SNX29: variants seen among roughly 807,000 people sequenced by gnomAD.
The protein encoded by SNX29 is sorting nexin-29.
SNX29 carries 78 observed loss-of-function variants against 102.1 expected under a neutral mutation model. The ratio of observed to expected loss-of-function variants is 0.76; its 90% CI spans 0.64 to 0.92. The LOEUF (loss-of-function observed/expected upper bound fraction) is 0.92, where lower values mean the gene tolerates loss of function less well. Among genes scored for constraint, SNX29 ranks in the 40% least tolerant of loss-of-function variants. SNX29 has a pLI of 0.00. For missense variants in SNX29, 1,280 were observed against 1,061.7 expected, an observed-to-expected ratio of 1.21 and a Z score of -2.86; for synonymous variants, 580 against 414.5, an observed-to-expected ratio of 1.40 and a Z score of -4.85.
chr16:12,221,675 C>T (rs561822098), intron 14 of SNX29, among the ~76,000 whole-genome samples: 1 of 152,276 alleles, frequency 6.6e-6, no homozygotes, highest in South Asian at 2.1e-4. Flanking sequence ...TGACCAGCAA[C>T]TTGGGTTTAA....
rs1429222486 is a variant in SNX29, at chr16:12,573,308, C to T, written c.*4679C>T. The T allele has an allele frequency of 3.5e-5, 8 of 226,398 alleles. No individual in the cohort carries two copies. The highest frequency in any genetic ancestry group is 2.5e-4 in the East Asian group (4 of 15,734). The allele number at this position is 226,398 out of a possible 1,614,324, so 14.0% of individuals were successfully genotyped here. On this transcript the variant is annotated 3_prime_UTR_variant, in exon 21 of 21. Coordinates refer to ENST00000566228, the MANE Select transcript of SNX29 (RefSeq NM_032167.5). ...ATGAGCCATTGCCATCTTATGGGCC[C>T]GATTTGGGTACTCTGAATTATGTCA...
At chr16:12,070,475 G>T (rs191316832) in intron 10 of SNX29, among the ~76,000 whole-genome samples, 80 of 151,574 alleles carry the variant, frequency 5.3e-4, no homozygotes, top group African/African-American at 1.8e-3. Flanking sequence ...ATGATTTCCA[G>T]TTTCATCCAT....
At chr16:12,275,648 T>C (rs1478853486) in intron 14 of SNX29, among the ~76,000 whole-genome samples, 1 of 151,964 alleles carries the variant, frequency 6.6e-6, no homozygotes, top group Admixed American at 6.6e-5. Flanking sequence ...ATCTACCTGA[T>C]TCTTAGCTTC....
intron 13 of SNX29, among the ~76,000 whole-genome samples, chr16:12,176,333 A>C (rs2076259687): frequency 6.6e-6 from 1 of 152,198 alleles, no homozygotes; most frequent in South Asian, 2.1e-4. Context: ...TAGCAGCTTG[A>C]GTCTTTAGAC....
intron 18 of SNX29, among the ~76,000 whole-genome samples, chr16:12,461,364 G>T (rs750847458): frequency 6.6e-6 from 1 of 152,180 alleles, no homozygotes; most frequent in Non-Finnish European, 1.5e-5. Context: ...TGGTTTTGCT[G>T]CTTCTATTAC....
intron 4 of SNX29, among the ~76,000 whole-genome samples, chr16:12,041,133 A>G (rs2049864664): frequency 6.6e-6 from 1 of 150,744 alleles, no homozygotes; most frequent in African/African-American, 2.4e-5. Context: ...TTTTTTTGAG[A>G]TAGAGTTTTG....
At chr16:12,519,711 A>G (rs1021872906) in intron 19 of SNX29, among the ~76,000 whole-genome samples, 1 of 152,202 alleles carries the variant, frequency 6.6e-6, no homozygotes, top group South Asian at 2.1e-4. Flanking sequence ...TTTTTCAGCA[A>G]TCCGTGATGT....
intron 20 of SNX29, 91 bp downstream of exon 20, chr16:12,524,932 C>A (rs963947282): frequency 3.9e-6 from 6 of 1,526,988 alleles, no homozygotes; most frequent in East Asian, 2.3e-5. Context: ...AGCGGCTCTC[C>A]GTGATGCCCT....
intron 4 of SNX29, among the ~76,000 whole-genome samples, chr16:12,036,011 C>T (rs1033056869): frequency 6.6e-6 from 1 of 152,204 alleles, no homozygotes; most frequent in Admixed American, 6.5e-5. Flanking sequence ...GTATCTATCA[C>T]TGGCCTATTT....
intron 16 of SNX29, among the ~76,000 whole-genome samples, chr16:12,377,184 T>C (rs546264877): frequency 2.6e-5 from 4 of 152,306 alleles, no homozygotes. Flanking sequence ...TGAGCCTCAG[T>C]TTTCACAGCT....
intron 20 of SNX29, among the ~76,000 whole-genome samples, chr16:12,550,150 C>T (rs569545366): frequency 6.6e-5 from 10 of 152,258 alleles, no homozygotes; most frequent in Middle Eastern, 3.4e-3. Flanking sequence ...CCTTCCATAC[C>T]GCATGTAGTG....
At chr16:12,397,028 G>T (rs2083748096) in intron 16 of SNX29, among the ~76,000 whole-genome samples, 1 of 152,188 alleles carries the variant, frequency 6.6e-6, no homozygotes. Flanking sequence ...TGGAACTACA[G>T]GCTTCTGCCG....
At chr16:12,292,448 T>C (rs2079830859) in intron 15 of SNX29, among the ~76,000 whole-genome samples, 2 of 152,232 alleles carry the variant, frequency 1.3e-5, no homozygotes, top group African/African-American at 4.8e-5. Flanking sequence ...GAGCTGCACC[T>C]TCCTCCCGTG....
chr16:12,189,442 T>G (rs1282425799), intron 13 of SNX29, among the ~76,000 whole-genome samples: 3 of 152,212 alleles, frequency 2.0e-5, no homozygotes, highest in African/African-American at 4.8e-5. Context: ...GCCTTTGGTT[T>G]GCTTGATGTT....
rs114255545 is a variant in SNX29, at chr16:12,571,610, C to T, written c.*2981C>T. 4.9e-4 allele frequency: 517 copies of T among 1,059,544 alleles called. 2 individuals carry two copies. The African/African-American group carries it at 7.3e-3, about 15-fold the overall frequency. The allele number at this position is 1,059,544 out of a possible 1,614,324, so 65.6% of individuals were successfully genotyped here. On this transcript the variant is annotated 3_prime_UTR_variant, in exon 21 of 21. Transcript: ENST00000566228. ...TGTGCTGAAACAGAACAGCAGGTTC[C>T]ATCTTTCACATCTTTTTTTCTCCCC... is the stretch of plus-strand genomic sequence containing the variant.
intron 20 of SNX29, chr16:12,526,715 C>T (rs1180414613): frequency 6.2e-6 from 3 of 481,960 alleles, no homozygotes; most frequent in African/African-American, 5.8e-5. Flanking sequence ...CCAGTTGTTC[C>T]TAAGATACTC....
intron 4 of SNX29, among the ~76,000 whole-genome samples, chr16:12,030,247 T>G (rs1238894601): frequency 6.6e-6 from 1 of 152,244 alleles, no homozygotes; most frequent in Non-Finnish European, 1.5e-5. Context: ...CTTGGTGAAG[T>G]TGCTCTGTAT....
intron 14 of SNX29, among the ~76,000 whole-genome samples, chr16:12,229,753 A>C (rs1399058975): frequency 6.6e-6 from 1 of 152,168 alleles, no homozygotes; most frequent in Non-Finnish European, 1.5e-5. Flanking sequence ...AGCCAAGTCA[A>C]AAGGGATGAA....
chr16:12,489,622 G>T (rs1006535979), intron 19 of SNX29, among the ~76,000 whole-genome samples: 2 of 152,206 alleles, frequency 1.3e-5, no homozygotes, highest in Admixed American at 1.3e-4. Flanking sequence ...ATTTCCCATG[G>T]TGCGGTGTGT....
Sources: gnomAD v4.1 joint callset for allele counts (sites outside exome capture counted in the v4.1 genomes callset) on GRCh38, gnomAD v4.1.1 for gene constraint, MANE v1.5 for transcripts, NCBI Gene and HGNC (gene_info 2026-07-23, HGNC 2026-07-21) for gene names.